SOX5: variants seen among roughly 807,000 people sequenced by gnomAD.
SOX5 encodes the protein SRY-box transcription factor 5, also known as transcription factor SOX-5.
A neutral mutation model predicts 92.0 loss-of-function variants in SOX5; 9 were observed. The ratio of observed to expected loss-of-function variants is 0.10; its 90% confidence interval spans 0.06 to 0.17. SOX5 has a LOEUF of 0.17. Ranked by LOEUF, SOX5 falls within the 10% of genes least tolerant of loss-of-function variation. The pLI, the probability that SOX5 is intolerant of heterozygous loss-of-function variation, is 1.00. For missense variants in SOX5, 642 were observed against 944.5 expected (o/e 0.68, Z 4.20); for synonymous variants, 344 against 336.3 (o/e 1.02, Z -0.25).
At chr12:24,252,377 A>T (rs978284127) in intron 3 of SOX5, among the ~76,000 whole-genome samples, 1 of 152,206 alleles carries the variant, frequency 6.6e-6, no homozygotes, top group East Asian at 1.9e-4. Flanking sequence ...GTTTTTACAT[A>T]GAGAATGTGT....
intron 4 of SOX5, among the ~76,000 whole-genome samples, chr12:24,008,552 T>C (rs1227136332): frequency 6.6e-6 from 1 of 152,078 alleles, no homozygotes; most frequent in African/African-American, 2.4e-5. Context: ...GAAAAAAAAA[T>C]CCAAGCTCTT....
chr12:23,574,909 G>C (rs1390557058), intron 10 of SOX5, among the ~76,000 whole-genome samples: 1 of 152,070 alleles, frequency 6.6e-6, no homozygotes, highest in Non-Finnish European at 1.5e-5. Flanking sequence ...TCTGTGCTCT[G>C]CAACAGCGCT....
chr12:24,267,035 G>GT (rs1378624532), intron 3 of SOX5, among the ~76,000 whole-genome samples: 1 of 152,046 alleles, frequency 6.6e-6, no homozygotes, highest in African/African-American at 2.4e-5. Context: ...AAATTGTAAC[G>GT]TTTTTCTAAA....
intron 3 of SOX5, among the ~76,000 whole-genome samples, chr12:23,766,355 C>T (rs556317783): frequency 2.6e-5 from 4 of 152,160 alleles, no homozygotes; most frequent in African/African-American, 9.6e-5. Context: ...ATTTTTCCAG[C>T]CATGAAGGAT....
At chr12:23,959,972 T>C (rs141403146) in intron 4 of SOX5, among the ~76,000 whole-genome samples, 1 of 152,330 alleles carries the variant, frequency 6.6e-6, no homozygotes, top group East Asian at 1.9e-4. Context: ...CCTACACCTA[T>C]TGACTTTATC....
intron 1 of SOX5, among the ~76,000 whole-genome samples, chr12:24,479,045 T>C (rs1945690915): frequency 6.6e-6 from 1 of 152,234 alleles, no homozygotes; most frequent in Non-Finnish European, 1.5e-5. Flanking sequence ...GGATACCTTC[T>C]TTAACCTAGC....
At chr12:23,689,612 G>A (rs1485235476) in intron 6 of SOX5, among the ~76,000 whole-genome samples, 1 of 152,058 alleles carries the variant, frequency 6.6e-6, no homozygotes, top group African/African-American at 2.4e-5. Flanking sequence ...TCTCTATCAT[G>A]TCATTCCAGT....
chr12:23,789,657 T>C (rs1379991445), intron 3 of SOX5, among the ~76,000 whole-genome samples: 1 of 152,138 alleles, frequency 6.6e-6, no homozygotes, highest in Non-Finnish European at 1.5e-5. Flanking sequence ...AAATACACTT[T>C]GAAAATATCT....
intron 4 of SOX5, among the ~76,000 whole-genome samples, chr12:24,044,644 C>T (rs1363186872): frequency 6.6e-6 from 1 of 152,168 alleles, no homozygotes; most frequent in Admixed American, 6.5e-5. Context: ...TCCTGGCTAT[C>T]TCCAAATATA....
At chr12:23,793,597 G>A (rs957221035) in intron 3 of SOX5, among the ~76,000 whole-genome samples, 5 of 152,178 alleles carry the variant, frequency 3.3e-5, no homozygotes, top group Non-Finnish European at 5.9e-5. Flanking sequence ...ATTGCTTGAC[G>A]CAAATTTAGG....
At position 23,685,328 on chromosome 12, in the gene SOX5, A is replaced by T. The variant is rs1398458209; in HGVS notation, c.811-19764T>A. ...CGGTTAGAGAAATCCTAAGTATAGTAAACAGCAAAGTTCTGGTTTTTCCAC... is the reference window on the plus strand; with the variant it reads ...CGGTTAGAGAAATCCTAAGTATAGTTAACAGCAAAGTTCTGGTTTTTCCAC... On this transcript the variant is annotated intron_variant, in intron 6 of 14. Transcript: ENST00000451604. Among the ~76,000 whole-genome samples, 5 of 152,084 alleles carry T rather than the reference A, an allele frequency of 3.3e-5. No individual in the cohort carries two copies. In the East Asian group the frequency reaches 9.6e-4, roughly 29 times the overall value.
At chr12:23,686,947 T>TA (rs2087706960) in intron 6 of SOX5, among the ~76,000 whole-genome samples, 1 of 152,076 alleles carries the variant, frequency 6.6e-6, no homozygotes, top group Non-Finnish European at 1.5e-5. Context: ...CAGTCTTTAT[T>TA]TAAGAAAAAC....
At chr12:23,540,361 T>TA (rs1941697486) in intron 13 of SOX5, among the ~76,000 whole-genome samples, 1 of 142,784 alleles carries the variant, frequency 7.0e-6, no homozygotes, top group Non-Finnish European at 1.5e-5. Flanking sequence ...AAACTTAAAG[T>TA]ATAATAATAA....
At chr12:23,818,646 C>T (rs1015249676) in intron 3 of SOX5, among the ~76,000 whole-genome samples, 3 of 152,102 alleles carry the variant, frequency 2.0e-5, no homozygotes, top group East Asian at 1.9e-4. Context: ...ACTTTATAAG[C>T]TTTTAAATTA....
At chr12:24,020,204 T>C (rs1460744595) in intron 4 of SOX5, among the ~76,000 whole-genome samples, 1 of 152,172 alleles carries the variant, frequency 6.6e-6, no homozygotes. Context: ...TCAAAGTTCT[T>C]TGACTTGGGC....
intron 4 of SOX5, among the ~76,000 whole-genome samples, chr12:24,090,411 G>A (rs1351084711): frequency 1.3e-5 from 2 of 151,858 alleles, no homozygotes; most frequent in Non-Finnish European, 2.9e-5. Context: ...TTACTGTTTG[G>A]TCAAAGACCA....
In SOX5 at chr12:23,780,076, A is replaced by T. The variant is rs1010138453; in HGVS notation, c.482-24352T>A. On this transcript the variant is annotated intron_variant, in intron 3 of 14. Transcript: ENST00000451604. ...CCCTAATCAATGTTGTCTTGACAAGAATTTTTAAGTTTTTATTCTAATAAA... is the reference window on the plus strand; with the variant it reads ...CCCTAATCAATGTTGTCTTGACAAGTATTTTTAAGTTTTTATTCTAATAAA... Among the ~76,000 whole-genome samples, 4 of 150,910 alleles carry T rather than the reference A, an allele frequency of 2.7e-5. No homozygotes were observed. In the East Asian group the frequency reaches 7.8e-4, roughly 29 times the overall value.
At chr12:24,139,110 A>G (rs1186745386) in intron 4 of SOX5, among the ~76,000 whole-genome samples, 1 of 152,184 alleles carries the variant, frequency 6.6e-6, no homozygotes, top group Non-Finnish European at 1.5e-5. Flanking sequence ...TAATTTTCCC[A>G]TTTCTCATAA....
chr12:23,838,857 G>C (rs1372818841), intron 3 of SOX5, among the ~76,000 whole-genome samples: 1 of 78,344 alleles, frequency 1.3e-5, no homozygotes, highest in Non-Finnish European at 2.5e-5. Flanking sequence ...GGGGGGGGGC[G>C]GGGATGGAGT....
Sources: gnomAD v4.1 joint callset for allele counts (sites outside exome capture counted in the v4.1 genomes callset) on GRCh38, gnomAD v4.1.1 for gene constraint, MANE v1.5 for transcripts, NCBI Gene and HGNC (gene_info 2026-07-23, HGNC 2026-07-21) for gene names.